The following NIT1 variants were observed in gnomAD, a reference collection of about 807,000 sequenced individuals.
The protein encoded by NIT1 is nitrilase 1.
Under a neutral mutation model 36.8 loss-of-function variants are expected in NIT1, and 30 were observed. The ratio of observed to expected loss-of-function variants is 0.82; its 90% CI spans 0.61 to 1.11. NIT1 has a LOEUF of 1.11. Ranked by LOEUF, NIT1 falls within the 50% of genes least tolerant of loss-of-function variation. NIT1 has a pLI of 0.00. For missense variants in NIT1, 438 were observed against 410.6 expected (o/e 1.07, Z -0.58); for synonymous variants, 151 against 155.6 (o/e 0.97, Z 0.22).
rs1325310126 is a variant in NIT1 at position 161,120,609 on chromosome 1, C to A, written c.828C>A (p.Asp276Glu). ...RASYGHSMVVDPWGTVVARCS... is the reference protein window; with the variant it reads ...RASYGHSMVVEPWGTVVARCS... ...GTTATGGCCACAGCATGGTGGTAGA[C>A]CCCTGGGGAACAGTGGTGGCCCGCT... Residue 276 changes from aspartate (D) to glutamate (E), a missense_variant, in exon 7 of 7, where the codon GAC (aspartate) becomes GAA (glutamate). Physicochemically the swap from Asp to Glu is conservative, Grantham distance 45 (BLOSUM62 2). Transcript: ENST00000368009. 1.9e-6 allele frequency: 3 copies of A among 1,614,078 alleles called. No individual in the cohort carries two copies. Among genetic ancestry groups the A allele is most frequent in the Admixed American group, 1.7e-5 (1 of 59,994 alleles).
chr1:161,119,759 G>A lies in NIT1; in HGVS notation c.458-60G>A, dbSNP rs1655235451. On this transcript the variant is annotated intron_variant, in intron 4 of 6. Coordinates refer to ENST00000368009, the MANE Select transcript of NIT1 (RefSeq NM_005600.3). ...CTAGCCTATAAACTATCTCCTCCTT[G>A]GGAGGAGTAAGCAAGGCTTCTAGAA... 5 of 1,572,508 alleles carry A rather than the reference G, an allele frequency of 3.2e-6. No individual in the cohort carries two copies. The African/African-American group carries it at 5.4e-5, about 17-fold the overall frequency.
downstream of NIT1, chr1:161,123,799 A>C: frequency 6.5e-7 from 1 of 1,545,736 alleles, no homozygotes; most frequent in South Asian, 1.1e-5. Context: ...GTGTCCTTTT[A>C]CTTGATGATG....
rs1232331949 is a variant in NIT1 at position 161,118,836 on chromosome 1, C to T, written c.53C>T (p.Pro18Leu). 8.7e-6 allele frequency: 14 copies of T among 1,614,032 alleles called. No individual in the cohort carries two copies. The East Asian group carries it at 2.2e-4, about 26-fold the overall frequency. The change falls in exon 2 of 7, where the codon CCT becomes CTT. Residue 18 changes from proline (P) to leucine (L), a missense_variant. Physicochemically the swap from Pro to Leu is moderately conservative, Grantham distance 98. Coordinates refer to ENST00000368009, the MANE Select transcript of NIT1 (RefSeq NM_005600.3). ...PPHRFLSLLC[P>L]GLRIPQLSVL... ...CACAGATTCCTGTCCCTTCTGTGTC[C>T]TGGACTCCGGATACCTCAACTCTCA...
chr1:161,122,660 G>C, downstream of NIT1: 1 of 1,156,576 alleles, frequency 8.6e-7, no homozygotes, highest in South Asian at 1.6e-5. This position sits in a 1 kb window ranked among gnomAD's most constrained non-coding sequence, Gnocchi z 4.2. Context: ...CTCTTCCCCA[G>C]GACTATTTCT....
chr1:161,124,221 T>C, downstream of NIT1: 1 of 1,614,192 alleles, frequency 6.2e-7, no homozygotes, highest in Non-Finnish European at 8.5e-7. Context: ...CTGGCGAAAG[T>C]TACTTTCATC....
rs1655225872 is a variant in NIT1 at position 161,119,688 on chromosome 1, C to CT, written c.457+78dup. ...GATTCTCCAGAATTGTTTCTCAACT[C>CT]TTATTTCCTTGACCCAAGGATTTAG... On this transcript the variant is annotated intron_variant, in intron 4 of 6. Coordinates refer to ENST00000368009, the MANE Select transcript of NIT1 (RefSeq NM_005600.3). The CT allele has an allele frequency of 2.5e-6, 4 of 1,587,598 alleles. No individual in the cohort carries two copies. In the South Asian group the frequency reaches 3.3e-5, roughly 13 times the overall value.
At chr1:161,121,969 A>T, downstream of NIT1, 1 of 753,920 alleles carries the variant, frequency 1.3e-6, no homozygotes, top group Non-Finnish European at 2.1e-6. Flanking sequence ...GCCCAGGCAC[A>T]TGGGTGCAGG....
Position 161,120,167 on chromosome 1 carries a change from G to A in NIT1, c.652G>A (p.Ala218Thr), listed in dbSNP as rs748144362. The A allele has an allele frequency of 3.7e-6, 6 of 1,614,164 alleles. No homozygotes were observed. The South Asian group carries it at 6.6e-5, about 18-fold the overall frequency. ...FPELSLALAQ[A>T]GAEILTYPSA... is the part of the protein sequence containing the mutation. ...TGAACTCTCTCTGGCATTGGCTCAA[G>A]CTGGAGCAGAGATACTTACCTATCC... The change falls in exon 6 of 7, where the codon GCT becomes ACT. Residue 218 changes from alanine to threonine, a missense_variant. Ala to Thr is a moderately conservative substitution (Grantham distance 58). Transcript: ENST00000368009.
chr1:161,120,106 G>T lies in NIT1; in HGVS notation c.592-1G>T. On this transcript the variant is annotated splice_acceptor_variant, in intron 5 of 6. Transcript: ENST00000368009. LOFTEE classifies it high-confidence loss of function. Reference sequence around the variant, plus strand: ...ACTAAGTAGGCTGTTTTTCATTCCAGATTGGTCTAGCTGTCTGCTATGACA... The same window carrying T: ...ACTAAGTAGGCTGTTTTTCATTCCATATTGGTCTAGCTGTCTGCTATGACA... The T allele has an allele frequency of 6.2e-7, 1 of 1,614,116 alleles. No homozygotes were observed. Among genetic ancestry groups the T allele is most frequent in the South Asian group, 1.1e-5 (1 of 91,058 alleles).
chr1:161,120,486 A>T lies in NIT1; in HGVS notation c.718-13A>T. 6.2e-7 allele frequency: 1 copy of T among 1,612,288 alleles called. No individual in the cohort carries two copies. The highest frequency in any genetic ancestry group is 1.1e-5 in the South Asian group (1 of 90,976). ...GCTACATGTACTTAAGTGAACACAC[A>T]TCTCATGCCCAGGTGTTGCTGCGGG... On this transcript the variant is annotated splice_polypyrimidine_tract_variant and intron_variant, in intron 6 of 6. Coordinates refer to ENST00000368009, the MANE Select transcript of NIT1 (RefSeq NM_005600.3).
chr1:161,119,265 T>C lies in NIT1; in HGVS notation c.230T>C (p.Leu77Pro), dbSNP rs1257550874. The change falls in exon 3 of 7, where the codon CTG (leucine) becomes CCG (proline). Residue 77 changes from leucine (L) to proline (P), a missense_variant. Coordinates refer to ENST00000368009, the MANE Select transcript of NIT1 (RefSeq NM_005600.3). Reference protein sequence around the residue: ...CAELVREAARLGACLAFLPEA... With the variant: ...CAELVREAARPGACLAFLPEA... ...GAGCTGGTTCGAGAGGCTGCCAGACTGGGTGCCTGCCTGGCTTTCCTGCCT... is the reference window on the plus strand; with the variant it reads ...GAGCTGGTTCGAGAGGCTGCCAGACCGGGTGCCTGCCTGGCTTTCCTGCCT... 2.1e-5 allele frequency: 34 copies of C among 1,614,098 alleles called. No individual in the cohort carries two copies. The highest frequency in any genetic ancestry group is 8.3e-5 in the Admixed American group (5 of 60,008).
chr1:161,120,064 A>G (rs773041492), intron 5 of NIT1, 43 bp from the exon 6 acceptor site: 2 of 1,612,710 alleles, frequency 1.2e-6, no homozygotes, highest in Non-Finnish European at 1.7e-6. Context: ...TGCTGTGACA[A>G]ACAGAGCAGG....
chr1:161,122,624 G>C, downstream of NIT1: 2 of 1,427,558 alleles, frequency 1.4e-6, no homozygotes, highest in Non-Finnish European at 1.9e-6. The surrounding 1 kb of genome is among the most constrained non-coding windows in gnomAD (Gnocchi z 4.2). Flanking sequence ...AAAAAAGTAG[G>C]GAATATCACC....
At chr1:161,124,132 C>T (rs754771875), downstream of NIT1, 1 of 1,608,708 alleles carries the variant, frequency 6.2e-7, no homozygotes, top group Non-Finnish European at 8.5e-7. Flanking sequence ...CCTAATACTT[C>T]CTCACCAGCC....
chr1:161,124,693 G>GTGAGCCCCTGT, downstream of NIT1: 3 of 883,382 alleles, frequency 3.4e-6, no homozygotes, highest in Non-Finnish European at 4.7e-6. Context: ...CAGGCACAGG[G>GTGAGCCCCTGT]GCTCACACCT....
chr1:161,118,303 A>C, intron 1 of NIT1, 125 bp downstream of exon 1: 2 of 1,290,078 alleles, frequency 1.6e-6, no homozygotes, highest in Non-Finnish European at 2.2e-6. Flanking sequence ...GGGCGGCGGG[A>C]GGGTGGAGGG....
chr1:161,118,387 A>G, intron 1 of NIT1: 2 of 1,529,000 alleles, frequency 1.3e-6, no homozygotes, highest in Admixed American at 2.0e-5. Context: ...GAGAGGGTGA[A>G]CTTTCCCCTG....
At chr1:161,122,279 G>A (rs764004238), downstream of NIT1, 1 of 1,614,228 alleles carries the variant, frequency 6.2e-7, no homozygotes, top group South Asian at 1.1e-5. The surrounding 1 kb of genome is among the most constrained non-coding windows in gnomAD (Gnocchi z 4.2). Context: ...CTGTGATGAA[G>A]ACACCTTTAA....
chr1:161,120,283 C>T (rs1378142803), intron 6 of NIT1, 51 bp downstream of exon 6: 14 of 1,596,970 alleles, frequency 8.8e-6, no homozygotes, highest in African/African-American at 1.3e-5. Context: ...ACCTCATCTT[C>T]CCCCCTTGGC....
Sources: allele counts gnomAD v4.1 joint callset, GRCh38; gene constraint gnomAD v4.1.1; non-coding constraint Gnocchi (gnomAD v3.1); transcripts MANE v1.5; gene names NCBI Gene and HGNC (gene_info 2026-07-23, HGNC 2026-07-21).